The following CNNM2 variants were observed in gnomAD, a reference collection of about 807,000 sequenced individuals.
CNNM2 encodes metal transporter CNNM2.
In CNNM2, 12 loss-of-function variants were observed where a neutral mutation model predicts 66.9. That is an observed-to-expected ratio of 0.18 (90% CI 0.11 to 0.29). CNNM2 has a LOEUF of 0.29. Ranked by LOEUF, CNNM2 falls within the 10% of genes least tolerant of loss-of-function variation. The probability of loss-of-function intolerance (pLI) is 1.00; values close to 1 mark genes in which losing one functional copy is unlikely to be tolerated. For missense variants in CNNM2, 705 were observed against 1,167.7 expected, an observed-to-expected ratio of 0.60 and a Z score of 5.77; for synonymous variants, 557 against 501.8, an observed-to-expected ratio of 1.11 and a Z score of -1.47.
rs1033730013 is a variant in CNNM2, at chr10:102,975,245, A to G, written c.1621+55144A>G. 2.0e-5 allele frequency among the ~76,000 whole-genome samples: 3 copies of G among 152,244 alleles called. No homozygotes were observed. The South Asian group carries it at 6.2e-4, about 31-fold the overall frequency. ...TAACAAGTGTTCACTTTTCCTCATT[A>G]TAAATGGAAAAGGCAAGAAACACTC... is the stretch of plus-strand genomic sequence containing the variant. On this transcript the variant is annotated intron_variant, in intron 1 of 7. Coordinates refer to ENST00000369878, the MANE Select transcript of CNNM2 (RefSeq NM_017649.5).
intron 1 of CNNM2, among the ~76,000 whole-genome samples, chr10:103,011,298 CA>C (rs1187905010): frequency 6.6e-6 from 1 of 151,996 alleles, no homozygotes; most frequent in African/African-American, 2.4e-5. Flanking sequence ...ACTAAAAATA[CA>C]AAAATTAGCC....
rs901808230 is a variant in CNNM2, at chr10:103,089,514, C to T, written c.*12334C>T. On this transcript the variant is annotated 3_prime_UTR_variant, in exon 8 of 8. Transcript: ENST00000369878. ...AGAGTACAGATACACAAAACCAAAACAAGTATCTATGATAATAAAATCTTC... is the reference window on the plus strand; with the variant it reads ...AGAGTACAGATACACAAAACCAAAATAAGTATCTATGATAATAAAATCTTC... The T allele has an allele frequency of 1.5e-6, 2 of 1,328,180 alleles. No homozygotes were observed. The highest frequency in any genetic ancestry group is 1.8e-5 in the South Asian group (1 of 55,204). The allele number at this position is 1,328,180 out of a possible 1,614,324, so 82.3% of individuals were successfully genotyped here.
intron 4 of CNNM2, 58 bp downstream of exon 4, chr10:103,057,022 G>A (rs1447583832): frequency 1.9e-6 from 3 of 1,547,458 alleles, no homozygotes; most frequent in Non-Finnish European, 2.6e-6. Flanking sequence ...TTTCAGTTTG[G>A]TGTAAGTGAA....
At chr10:103,062,678 G>T (rs889523755) in intron 4 of CNNM2, among the ~76,000 whole-genome samples, 16 of 152,318 alleles carry the variant, frequency 1.1e-4, no homozygotes, top group African/African-American at 3.6e-4. Context: ...GCTGCCCTGC[G>T]AGCTCCCTTG....
At chr10:103,055,846 A>G (rs913145850) in intron 3 of CNNM2, among the ~76,000 whole-genome samples, 8 of 152,238 alleles carry the variant, frequency 5.3e-5, no homozygotes, top group African/African-American at 1.9e-4. Flanking sequence ...CATTGCCTGT[A>G]ATCTCAGCTC....
chr10:102,983,205 A>C (rs2063742882), intron 1 of CNNM2, among the ~76,000 whole-genome samples: 1 of 151,572 alleles, frequency 6.6e-6, no homozygotes, highest in Non-Finnish European at 1.5e-5. Flanking sequence ...TATTAATGAC[A>C]AGTTTTTTTG....
rs2065522057 is a variant in CNNM2 at position 103,068,719 on chromosome 10, C to T, written c.2164C>T (p.Pro722Ser). The T allele has an allele frequency of 6.2e-7, 1 of 1,611,474 alleles. No individual in the cohort carries two copies. ...YYGVMALTAS[P>S]VPLSLSRTFV... The stretch of plus-strand genomic sequence containing the variant: ...TGGCGTGATGGCCCTGACAGCCTCT[C>T]CAGGTATGTTTGGTTCCCAGCCGCA... Residue 722 changes from proline to serine, a missense_variant, in exon 5 of 8, where the codon CCA (proline) becomes TCA (serine). By Grantham distance (74) the Pro-to-Ser change is moderately conservative. This residue lies in a region of CNNM2 where 194 missense variants were observed against 227.6 expected (regional missense o/e 0.85). Transcript: ENST00000369878.
intron 1 of CNNM2, among the ~76,000 whole-genome samples, chr10:103,025,833 T>C (rs1282986624): frequency 6.6e-6 from 1 of 152,228 alleles, no homozygotes; most frequent in Non-Finnish European, 1.5e-5. Flanking sequence ...CAGCCTGCTT[T>C]TACTGATTCT....
intron 1 of CNNM2, among the ~76,000 whole-genome samples, chr10:102,961,413 T>G (rs1051415373): frequency 1.3e-5 from 2 of 152,236 alleles, no homozygotes; most frequent in Non-Finnish European, 2.9e-5. Context: ...GAGGATTTAC[T>G]TATGCTCAAA....
rs1004174405 is a variant in CNNM2, at chr10:103,081,100, C to G, written c.*3920C>G. ...CACAGGAAGGTGCTCACCTTGTTCT[C>G]TGGGGCTCCAAGCAAGAGCAGGCCA... On this transcript the variant is annotated 3_prime_UTR_variant, in exon 8 of 8. Transcript: ENST00000369878. 9 of 152,250 alleles carry G rather than the reference C, an allele frequency of 5.9e-5. No individual in the cohort carries two copies. The highest frequency in any genetic ancestry group is 1.9e-4 in the African/African-American group (8 of 41,434). 9.4% of individuals were successfully genotyped at this position (152,250 alleles called of 1,614,324 possible). A position where few individuals can be genotyped will look rare whatever the true frequency, so the allele number is the denominator to read the frequency against.
In CNNM2 at chr10:102,925,542, C is replaced by A. The variant is rs12411886; in HGVS notation, c.1621+5441C>A. Among the ~76,000 whole-genome samples, 12,655 of 152,120 alleles carry A rather than the reference C, an allele frequency of 0.083. 797 individuals carry two copies. Among genetic ancestry groups the A allele is most frequent in the East Asian group, 0.28 (1,430 of 5,172 alleles). ...AACAAAGTAAATGACCTATTTAGGG[C>A]CACCTACCTAGCTAGTAGCATCAAC... On this transcript the variant is annotated intron_variant, in intron 1 of 7. Coordinates refer to ENST00000369878, the MANE Select transcript of CNNM2 (RefSeq NM_017649.5).
chr10:102,935,571 T>C (rs934688893), intron 1 of CNNM2, among the ~76,000 whole-genome samples: 1 of 152,018 alleles, frequency 6.6e-6, no homozygotes, highest in African/African-American at 2.4e-5. Context: ...CTGCATTTCT[T>C]ACTGCTATGA....
At chr10:102,971,264 A>G (rs2063543618) in intron 1 of CNNM2, among the ~76,000 whole-genome samples, 1 of 113,634 alleles carries the variant, frequency 8.8e-6, no homozygotes, top group African/African-American at 3.3e-5. Flanking sequence ...AAAAAAAAGA[A>G]AAAAAAAAAA....
chr10:103,001,405 CTG>C (rs1005351360), intron 1 of CNNM2, among the ~76,000 whole-genome samples: 8 of 150,916 alleles, frequency 5.3e-5, no homozygotes, highest in African/African-American at 1.7e-4. Context: ...AATGAAGACT[CTG>C]TGTTAGTGGC....
At chr10:102,978,382 G>A (rs2063670373) in intron 1 of CNNM2, among the ~76,000 whole-genome samples, 1 of 151,692 alleles carries the variant, frequency 6.6e-6, no homozygotes. Context: ...GGTAAAATCT[G>A]AATGTTATCC....
At position 103,082,660 on chromosome 10, in the gene CNNM2, G is replaced by A. The variant is rs2065768226; in HGVS notation, c.*5480G>A. On this transcript the variant is annotated 3_prime_UTR_variant, in exon 8 of 8. Coordinates refer to ENST00000369878, the MANE Select transcript of CNNM2 (RefSeq NM_017649.5). Reference sequence around the variant, plus strand: ...GCTGTCCTTTAAGGCGGGTGAGAGGGTAGTGTTGTTTTTTATAAACAGGTT... The same window carrying A: ...GCTGTCCTTTAAGGCGGGTGAGAGGATAGTGTTGTTTTTTATAAACAGGTT... 1 of 152,226 alleles carries A rather than the reference G, an allele frequency of 6.6e-6. No homozygotes were observed. The highest frequency in any genetic ancestry group is 2.4e-5 in the African/African-American group (1 of 41,436). The allele number at this position is 152,226 out of a possible 1,614,324, so 9.4% of individuals were successfully genotyped here. A position where few individuals can be genotyped will look rare whatever the true frequency, so the allele number is the denominator to read the frequency against.
At chr10:103,053,649 G>A (rs564764618) in intron 2 of CNNM2, among the ~76,000 whole-genome samples, 1 of 152,224 alleles carries the variant, frequency 6.6e-6, no homozygotes, top group Non-Finnish European at 1.5e-5. Flanking sequence ...CTAAACAGCA[G>A]TGTGGAGACT....
chr10:103,066,939 G>A (rs573694830), intron 4 of CNNM2, among the ~76,000 whole-genome samples: 13 of 152,038 alleles, frequency 8.6e-5, no homozygotes, highest in South Asian at 4.2e-4. Context: ...AAGTTTATAC[G>A]GCAAGATAAT....
At chr10:103,009,997 A>G (rs553614354) in intron 1 of CNNM2, among the ~76,000 whole-genome samples, 85 of 152,226 alleles carry the variant, frequency 5.6e-4, no homozygotes, top group African/African-American at 2.0e-3. Context: ...AAACTTCACT[A>G]ATACAGATTA....
Sources: allele counts gnomAD v4.1 joint callset (sites outside exome capture counted in the v4.1 genomes callset), GRCh38; gene constraint gnomAD v4.1.1; regional missense constraint gnomAD v4.1.1; transcripts MANE v1.5; gene names NCBI Gene and HGNC (gene_info 2026-07-23, HGNC 2026-07-21).